KPNA1: variants seen among roughly 807,000 people sequenced by gnomAD.
KPNA1 encodes the protein karyopherin subunit alpha 1.
In KPNA1, 10 loss-of-function variants were observed where a neutral mutation model predicts 70.5. The observed-to-expected ratio is 0.14, with a 90% CI of 0.09 to 0.24. The LOEUF (loss-of-function observed/expected upper bound fraction) is 0.24, where lower values mean the gene tolerates loss of function less well. KPNA1 is among the 10% of genes least tolerant of loss of function. The probability of loss-of-function intolerance (pLI) is 1.00; values close to 1 mark genes in which losing one functional copy is unlikely to be tolerated. For synonymous variants in KPNA1, 192 were observed against 221.9 expected, an observed-to-expected ratio of 0.87 and a Z score of 1.20; for missense variants, 397 against 637.9, an observed-to-expected ratio of 0.62 and a Z score of 4.07.
intron 1 of KPNA1, among the ~76,000 whole-genome samples, chr3:122,514,021 C>T (rs2076985931): frequency 6.6e-6 from 1 of 152,254 alleles, no homozygotes; most frequent in Non-Finnish European, 1.5e-5. Flanking sequence ...TACTTCATGA[C>T]GACTTCCTTG....
At chr3:122,478,340 GGCCACGCGCAT>G (rs2076528928) in intron 2 of KPNA1, among the ~76,000 whole-genome samples, 1 of 151,830 alleles carries the variant, frequency 6.6e-6, no homozygotes, top group Non-Finnish European at 1.5e-5. Context: ...TAAAAAACTA[GGCCACGCGCAT>G]TGGCTCACAC....
intron 5 of KPNA1, among the ~76,000 whole-genome samples, chr3:122,456,758 C>T (rs769515446): frequency 7.2e-5 from 11 of 152,174 alleles, no homozygotes; most frequent in Non-Finnish European, 1.5e-4. Flanking sequence ...AAGTAGTACA[C>T]AATGATGATA....
At chr3:122,428,814 C>G (rs1020210077) in intron 12 of KPNA1, among the ~76,000 whole-genome samples, 1 of 149,528 alleles carries the variant, frequency 6.7e-6, no homozygotes, top group Non-Finnish European at 1.5e-5. Flanking sequence ...CAAAACGATA[C>G]TAGTATTCTA....
At position 122,477,045 on chromosome 3, in the gene KPNA1, T is replaced by C. The variant is rs548374842; in HGVS notation, c.130-9616A>G. Among the ~76,000 whole-genome samples, 7 of 152,100 alleles carry C rather than the reference T, an allele frequency of 4.6e-5. No individual in the cohort carries two copies. The East Asian group carries it at 5.8e-4, about 13-fold the overall frequency. On this transcript the variant is annotated intron_variant, in intron 2 of 13. Transcript: ENST00000344337. The stretch of plus-strand genomic sequence containing the variant: ...AATCAACCTAAGTGTCCATCTCAGA[T>C]GAATGGAGCAAAAAAGTGTGGTCTA...
Position 122,427,178 on chromosome 3 carries a change from A to G in KPNA1, c.1430-6T>C. On this transcript the variant is annotated splice_polypyrimidine_tract_variant and splice_region_variant and intron_variant, in intron 13 of 13. Transcript: ENST00000344337. Reference sequence around the variant, plus strand: ...GAACTCAATTTTATCCAGACCTAAAATGAAGAATAAAGGAAAATCTTTATT... The same window carrying G: ...GAACTCAATTTTATCCAGACCTAAAGTGAAGAATAAAGGAAAATCTTTATT... 6.2e-7 allele frequency: 1 copy of G among 1,603,644 alleles called. No homozygotes were observed.
At chr3:122,440,900 T>C (rs1560021196) in intron 10 of KPNA1, among the ~76,000 whole-genome samples, 1 of 152,204 alleles carries the variant, frequency 6.6e-6, no homozygotes, top group Non-Finnish European at 1.5e-5. Context: ...ATGAGTTCCC[T>C]TGTGTACAGA....
At chr3:122,499,355 C>T (rs1271016044) in intron 1 of KPNA1, among the ~76,000 whole-genome samples, 2 of 152,182 alleles carry the variant, frequency 1.3e-5, no homozygotes, top group African/African-American at 4.8e-5. Context: ...GAGAAGTTCC[C>T]TCTTATTCCT....
chr3:122,499,806 C>T (rs2076805635), intron 1 of KPNA1, among the ~76,000 whole-genome samples: 1 of 150,758 alleles, frequency 6.6e-6, no homozygotes, highest in African/African-American at 2.4e-5. Flanking sequence ...CTTGTGATGT[C>T]TTTGTCTGGC....
rs1429810503 is a variant in KPNA1 at position 122,505,837 on chromosome 3, G to A, written c.-6+8920C>T. 8.5e-5 allele frequency among the ~76,000 whole-genome samples: 13 copies of A among 152,150 alleles called. 1 individual carries two copies. The highest frequency in any genetic ancestry group is 3.3e-4 in the Admixed American group (5 of 15,276). On this transcript the variant is annotated intron_variant, in intron 1 of 13. Transcript: ENST00000344337. Reference sequence around the variant, plus strand: ...ACTGCCACCAGCCTGGCTCAAGTCTGTGTCAACTGACACCTAGATAACTAC... The same window carrying A: ...ACTGCCACCAGCCTGGCTCAAGTCTATGTCAACTGACACCTAGATAACTAC...
chr3:122,506,523 G>A (rs866512266), intron 1 of KPNA1, among the ~76,000 whole-genome samples: 1 of 152,068 alleles, frequency 6.6e-6, no homozygotes, highest in African/African-American at 2.4e-5. Flanking sequence ...TTTCCTATAC[G>A]ATAATTAAGG....
At chr3:122,471,585 T>C (rs896745243) in intron 2 of KPNA1, among the ~76,000 whole-genome samples, 3 of 152,084 alleles carry the variant, frequency 2.0e-5, no homozygotes, top group East Asian at 1.9e-4. Flanking sequence ...CTCATGCCTG[T>C]AATCCCAGCA....
rs541965860 is a variant in KPNA1, at chr3:122,433,537, CACTT to C, written c.1250+120_1250+123del. 5.6e-4 allele frequency: 397 copies of C among 703,166 alleles called. 9 individuals carry two copies. The South Asian group carries it at 0.01, about 18-fold the overall frequency. The allele number at this position is 703,166 out of a possible 1,614,324, so 43.6% of individuals were successfully genotyped here. The stretch of plus-strand genomic sequence containing the variant: ...ATTCTTATTTGGTAAGATCGTCTCT[CACTT>C]ACTTTTCCCCTCAAAGGCAGCTAAT... On this transcript the variant is annotated intron_variant, in intron 12 of 13. Transcript: ENST00000344337.
Position 122,433,782 on chromosome 3 carries a change from T to C in KPNA1, c.1129A>G (p.Ile377Val). Residue 377 changes from isoleucine to valine, a missense_variant, in exon 12 of 14, where the codon ATA becomes GTA. Coordinates refer to ENST00000344337, the MANE Select transcript of KPNA1 (RefSeq NM_002264.4). ...AGNRAQIQTV[I>V]DANIFPALIS... ...AGGGCTGGGAAAATGTTGGCATCTA[T>C]CACAGTCTAAAATTAAAGAAAAACT... 1 of 1,594,104 alleles carries C rather than the reference T, an allele frequency of 6.3e-7. No homozygotes were observed. The highest frequency in any genetic ancestry group is 8.5e-7 in the Non-Finnish European group (1 of 1,174,054).
At chr3:122,489,057 C>CGTGCGT (rs2076664913) in intron 2 of KPNA1, among the ~76,000 whole-genome samples, 1 of 130,728 alleles carries the variant, frequency 7.6e-6, no homozygotes, top group African/African-American at 2.9e-5. Context: ...TTTTTGCGTG[C>CGTGCGT]GTGTGTGTGT....
At chr3:122,505,807 T>C (rs1290719159) in intron 1 of KPNA1, among the ~76,000 whole-genome samples, 1 of 152,202 alleles carries the variant, frequency 6.6e-6, no homozygotes, top group African/African-American at 2.4e-5. Flanking sequence ...ATCCGATCTA[T>C]TCCCACTGCC....
In KPNA1 at chr3:122,425,633, C is replaced by A. The variant is rs1463486876; in HGVS notation, c.*1352G>T. 3.3e-5 allele frequency: 5 copies of A among 152,374 alleles called. No homozygotes were observed. The highest frequency in any genetic ancestry group is 1.2e-4 in the African/African-American group (5 of 41,354). The allele number at this position is 152,374 out of a possible 1,614,324, so 9.4% of individuals were successfully genotyped here. A position where few individuals can be genotyped will look rare whatever the true frequency, so the allele number is the denominator to read the frequency against. On this transcript the variant is annotated 3_prime_UTR_variant, in exon 14 of 14. Transcript: ENST00000344337. ...CCAAGCACAAATGTGGATCACTGAA[C>A]ACAGTACTGGAAGCGCCATTTGCAG...
intron 9 of KPNA1, among the ~76,000 whole-genome samples, chr3:122,445,754 G>A (rs201039249): frequency 1.3e-5 from 2 of 152,152 alleles, no homozygotes; most frequent in African/African-American, 4.8e-5. Flanking sequence ...AGACCCATCA[G>A]TGTGCTATAT....
At chr3:122,494,336 A>C (rs2076733278) in intron 2 of KPNA1, among the ~76,000 whole-genome samples, 1 of 152,146 alleles carries the variant, frequency 6.6e-6, no homozygotes, top group South Asian at 2.1e-4. Context: ...GTACAGTTTC[A>C]TTCTTTTGCA....
intron 4 of KPNA1, among the ~76,000 whole-genome samples, chr3:122,462,006 T>C (rs2076329223): frequency 6.6e-6 from 1 of 152,222 alleles, no homozygotes; most frequent in East Asian, 1.9e-4. Flanking sequence ...GGGAGATTCT[T>C]ACCCAAGTCG....
Sources: allele counts gnomAD v4.1 joint callset (sites outside exome capture counted in the v4.1 genomes callset), GRCh38; gene constraint gnomAD v4.1.1; transcripts MANE v1.5; gene names NCBI Gene and HGNC (gene_info 2026-07-23, HGNC 2026-07-21).